LCLAT1: variants seen among roughly 807,000 people sequenced by gnomAD.
LCLAT1 encodes the protein lysocardiolipin acyltransferase 1.
LCLAT1 carries 11 observed loss-of-function variants against 30.7 expected under a neutral mutation model. That is an observed-to-expected ratio of 0.36 (90% CI 0.23 to 0.59). The LOEUF is 0.59. Among genes scored for constraint, LCLAT1 ranks in the 20% least tolerant of loss-of-function variants. The pLI, the probability that LCLAT1 is intolerant of heterozygous loss-of-function variation, is 0.77. For missense variants in LCLAT1, 402 were observed against 458.6 expected, an observed-to-expected ratio of 0.88 and a Z score of 1.13; for synonymous variants, 155 against 151.3, an observed-to-expected ratio of 1.02 and a Z score of -0.18.
intron 1 of LCLAT1, among the ~76,000 whole-genome samples, chr2:30,485,257 G>C (rs829684): frequency 0.88 from 133,354 of 152,192 alleles, 58,862 homozygotes; most frequent in African/African-American, 0.97. Flanking sequence ...ATAGTTTTAA[G>C]CTGACTAGAA....
At chr2:30,505,871 A>G (rs542196181) in intron 1 of LCLAT1, among the ~76,000 whole-genome samples, 1 of 152,310 alleles carries the variant, frequency 6.6e-6, no homozygotes, top group South Asian at 2.1e-4. Context: ...TTTAATTCAC[A>G]CTAAACCTTT....
chr2:30,597,558 T>C (rs1233416736), intron 5 of LCLAT1, among the ~76,000 whole-genome samples: 3 of 152,146 alleles, frequency 2.0e-5, no homozygotes, highest in African/African-American at 7.2e-5. Context: ...GGCAGTGGGA[T>C]TTTCTAGATA....
intron 5 of LCLAT1, among the ~76,000 whole-genome samples, chr2:30,582,633 A>G (rs1666255759): frequency 6.6e-6 from 1 of 152,162 alleles, no homozygotes; most frequent in Non-Finnish European, 1.5e-5. Context: ...TCCTTTTAAA[A>G]ATTTCATCCC....
Position 30,641,338 on chromosome 2 carries a change from T to C in LCLAT1, c.*719T>C, listed in dbSNP as rs1315303202. The stretch of plus-strand genomic sequence containing the variant: ...AAGATAGGAAGTAATACAGTTTAAG[T>C]TCCTTTCTCACACTCAGTATTGCAT... On this transcript the variant is annotated 3_prime_UTR_variant, in exon 6 of 6. Transcript: ENST00000379509. 6.6e-6 allele frequency: 1 copy of C among 152,200 alleles called. No homozygotes were observed. Among genetic ancestry groups the C allele is most frequent in the African/African-American group, 2.4e-5 (1 of 41,444 alleles). 9.4% of individuals were successfully genotyped at this position (152,200 alleles called of 1,614,324 possible). A position where few individuals can be genotyped will look rare whatever the true frequency, so the allele number is the denominator to read the frequency against.
At chr2:30,472,164 G>A (rs552773953) in intron 1 of LCLAT1, among the ~76,000 whole-genome samples, 5 of 152,148 alleles carry the variant, frequency 3.3e-5, no homozygotes, top group Non-Finnish European at 7.4e-5. Flanking sequence ...CATCCACATG[G>A]TTGTAATTTT....
At chr2:30,617,551 A>G (rs1021877717) in intron 5 of LCLAT1, among the ~76,000 whole-genome samples, 2 of 152,178 alleles carry the variant, frequency 1.3e-5, no homozygotes, top group Admixed American at 6.5e-5. Flanking sequence ...GCACATACCT[A>G]TGCTGTCATT....
intron 5 of LCLAT1, among the ~76,000 whole-genome samples, chr2:30,631,356 C>T (rs937233087): frequency 7.9e-5 from 12 of 152,126 alleles, no homozygotes; most frequent in African/African-American, 2.9e-4. Context: ...GAACCAGTCC[C>T]CAGTAACGGA....
intron 1 of LCLAT1, among the ~76,000 whole-genome samples, chr2:30,513,881 G>A (rs1685056478): frequency 6.6e-6 from 1 of 152,216 alleles, no homozygotes; most frequent in Non-Finnish European, 1.5e-5. Context: ...TACATGTGTT[G>A]ATTGATGTCT....
At position 30,627,683 on chromosome 2, in the gene LCLAT1, G is replaced by A. The variant is rs1157848847; in HGVS notation, c.629-12434G>A. ...TTTATTATTTTTCAATTTCTCTTTG[G>A]ATTTCTTTCTTTTTTCCTTTTAACT... On this transcript the variant is annotated intron_variant, in intron 5 of 5. Coordinates refer to ENST00000379509, the MANE Select transcript of LCLAT1 (RefSeq NM_001002257.3). 4.6e-5 allele frequency among the ~76,000 whole-genome samples: 7 copies of A among 151,960 alleles called. No homozygotes were observed. In the South Asian group the frequency reaches 8.3e-4, roughly 18 times the overall value.
At chr2:30,459,699 A>G in intron 1 of LCLAT1, 1 of 1,613,706 alleles carries the variant, frequency 6.2e-7, no homozygotes, top group East Asian at 2.2e-5. Flanking sequence ...CGTACTTCAT[A>G]AAGCAGGACT....
intron 5 of LCLAT1, among the ~76,000 whole-genome samples, chr2:30,591,106 A>G (rs1666675408): frequency 6.6e-6 from 1 of 152,092 alleles, no homozygotes; most frequent in South Asian, 2.1e-4. Flanking sequence ...TTTCCAAACT[A>G]GAGTATAGTG....
chr2:30,490,486 T>C (rs1683788753), intron 1 of LCLAT1, among the ~76,000 whole-genome samples: 1 of 152,152 alleles, frequency 6.6e-6, no homozygotes, highest in African/African-American at 2.4e-5. Context: ...CCACTGCACC[T>C]GGCCCGGGGC....
chr2:30,472,343 T>A (rs1379367435), intron 1 of LCLAT1, among the ~76,000 whole-genome samples: 1 of 152,204 alleles, frequency 6.6e-6, no homozygotes, highest in Non-Finnish European at 1.5e-5. Flanking sequence ...AGGCTTTACT[T>A]TTTGTCACTG....
chr2:30,475,988 C>A (rs1256181558), intron 1 of LCLAT1, among the ~76,000 whole-genome samples: 1 of 152,136 alleles, frequency 6.6e-6, no homozygotes. Context: ...CTTCATGGTT[C>A]TAGCTTCCAT....
intron 1 of LCLAT1, among the ~76,000 whole-genome samples, chr2:30,500,837 T>C (rs1012281734): frequency 3.9e-5 from 6 of 152,176 alleles, no homozygotes; most frequent in Admixed American, 3.3e-4. Flanking sequence ...AAATTGACCC[T>C]CTCGGGCTTA....
intron 5 of LCLAT1, among the ~76,000 whole-genome samples, chr2:30,597,731 G>A (rs1440444426): frequency 6.6e-6 from 1 of 152,140 alleles, no homozygotes; most frequent in Non-Finnish European, 1.5e-5. Context: ...GGTTTTTCAA[G>A]GGGAATGCTT....
chr2:30,633,962 G>A (rs183633393), intron 5 of LCLAT1, among the ~76,000 whole-genome samples: 2 of 152,172 alleles, frequency 1.3e-5, no homozygotes, highest in African/African-American at 4.8e-5. Flanking sequence ...CCCATTCTCA[G>A]TGAGCTGGGA....
intron 5 of LCLAT1, among the ~76,000 whole-genome samples, chr2:30,628,215 A>G (rs1440529007): frequency 6.6e-6 from 1 of 152,238 alleles, no homozygotes; most frequent in Admixed American, 6.5e-5. Flanking sequence ...ATTTTTTAAA[A>G]AACATCACAG....
At chr2:30,539,287 C>T (rs1663998431) in intron 3 of LCLAT1, among the ~76,000 whole-genome samples, 1 of 135,688 alleles carries the variant, frequency 7.4e-6, no homozygotes, top group Admixed American at 7.9e-5. Flanking sequence ...CAGGGTCTCA[C>T]TCTCACACAT....
Sources: gnomAD v4.1 joint callset for allele counts (sites outside exome capture counted in the v4.1 genomes callset) on GRCh38, gnomAD v4.1.1 for gene constraint, MANE v1.5 for transcripts, NCBI Gene and HGNC (gene_info 2026-07-23, HGNC 2026-07-21) for gene names.